NIPSNAP3B: variants seen among roughly 807,000 people sequenced by gnomAD.
NIPSNAP3B encodes the protein protein NipSnap homolog 3B.
Under a neutral mutation model 31.5 loss-of-function variants are expected in NIPSNAP3B, and 30 were observed. The ratio of observed to expected loss-of-function variants is 0.95; its 90% CI spans 0.71 to 1.29. The LOEUF is 1.29. Among genes scored for constraint, NIPSNAP3B ranks in the 50% most tolerant of loss-of-function variants. NIPSNAP3B has a pLI of 0.00. For missense variants in NIPSNAP3B, 269 were observed against 300.7 expected, an observed-to-expected ratio of 0.89 and a Z score of 0.78; for synonymous variants, 106 against 107.9, an observed-to-expected ratio of 0.98 and a Z score of 0.11.
At chr9:104,771,178 T>G (rs1016696303) in intron 4 of NIPSNAP3B, 180 bp downstream of exon 4, 6 of 523,188 alleles carry the variant, frequency 1.1e-5, no homozygotes, top group Non-Finnish European at 2.0e-5. Flanking sequence ...TGTTAATACT[T>G]TATGGAGCCT....
chr9:104,779,387 A>G (rs1320756814), downstream of NIPSNAP3B, among the ~76,000 whole-genome samples: 3 of 152,186 alleles, frequency 2.0e-5, no homozygotes, highest in African/African-American at 7.2e-5. Flanking sequence ...TTGTTAAATT[A>G]ATGTATATTG....
chr9:104,772,785 A>G (rs748807900), intron 4 of NIPSNAP3B, 37 bp from the exon 5 acceptor site: 1 of 1,591,232 alleles, frequency 6.3e-7, no homozygotes, highest in Admixed American at 1.7e-5. Context: ...TGCTATTGCC[A>G]TATATTTCAG....
chr9:104,788,576 G>A, the NIPSNAP3B span: 4 of 1,614,064 alleles, frequency 2.5e-6, no homozygotes, highest in Non-Finnish European at 3.4e-6. Flanking sequence ...TACTGCAAAG[G>A]ACAAGAAAAC....
In NIPSNAP3B at chr9:104,775,652, C is replaced by T. The variant is rs1466018812; in HGVS notation, c.*2579C>T. The stretch of plus-strand genomic sequence containing the variant: ...CACACATGTGAATTTGAATTCCAGG[C>T]TCATCACATCCAGGTGTGTTCCCCA... On this transcript the variant is annotated 3_prime_UTR_variant, in exon 6 of 6. Coordinates refer to ENST00000374762, the MANE Select transcript of NIPSNAP3B (RefSeq NM_018376.4). Among the ~76,000 whole-genome samples the T allele has an allele frequency of 1.3e-5, 2 of 152,120 alleles. No homozygotes were observed. Among genetic ancestry groups the T allele is most frequent in the African/African-American group, 2.4e-5 (1 of 41,412 alleles).
chr9:104,770,662 A>G (rs1266000360), intron 3 of NIPSNAP3B, among the ~76,000 whole-genome samples, 187 bp from the exon 4 acceptor site: 1 of 152,176 alleles, frequency 6.6e-6, no homozygotes, highest in Non-Finnish European at 1.5e-5. Flanking sequence ...TTAAACATGG[A>G]CAAAGACTTT....
chr9:104,790,846 A>G, the NIPSNAP3B span: 5 of 1,076,848 alleles, frequency 4.6e-6, no homozygotes, highest in Non-Finnish European at 7.1e-6. Context: ...ACTGTAATCA[A>G]AAATAACAAC....
At chr9:104,772,765 A>G in intron 4 of NIPSNAP3B, 57 bp from the exon 5 acceptor site, 1 of 1,543,544 alleles carries the variant, frequency 6.5e-7, no homozygotes, top group African/African-American at 1.4e-5. Flanking sequence ...CTTTTTCAAT[A>G]TTTCTTATTT....
chr9:104,786,080 T>G, the NIPSNAP3B span, among the ~76,000 whole-genome samples: 1 of 152,206 alleles, frequency 6.6e-6, no homozygotes, highest in African/African-American at 2.4e-5. Flanking sequence ...AACTAACTCT[T>G]ACAGTAGTTA....
intron 3 of NIPSNAP3B, 112 bp downstream of exon 3, chr9:104,769,133 AATAAT>A: frequency 5.3e-6 from 4 of 756,940 alleles, no homozygotes; most frequent in Non-Finnish European, 7.8e-6. Context: ...TGTTTTATAT[AATAAT>A]ATATGATGAG....
chr9:104,770,690 G>A (rs1339968404), intron 3 of NIPSNAP3B, among the ~76,000 whole-genome samples, 159 bp from the exon 4 acceptor site: 1 of 152,036 alleles, frequency 6.6e-6, no homozygotes, highest in Non-Finnish European at 1.5e-5. Flanking sequence ...TAAAAGCAAA[G>A]AAAAATAATG....
At chr9:104,766,801 TC>T (rs1470275636) in intron 2 of NIPSNAP3B, among the ~76,000 whole-genome samples, 1 of 152,122 alleles carries the variant, frequency 6.6e-6, no homozygotes, top group Non-Finnish European at 1.5e-5. Context: ...TAGACTTTAA[TC>T]CTCAGAAAAA....
the NIPSNAP3B span, chr9:104,784,053 T>G: frequency 2.3e-6 from 1 of 430,126 alleles, no homozygotes; most frequent in Non-Finnish European, 4.2e-6. Flanking sequence ...CATAATAGAG[T>G]TTCACATAGG....
intron 1 of NIPSNAP3B, among the ~76,000 whole-genome samples, chr9:104,765,715 G>A (rs1564056458): frequency 1.3e-5 from 2 of 152,156 alleles, no homozygotes; most frequent in Non-Finnish European, 2.9e-5. Context: ...TACACCCATA[G>A]TACAATGCAA....
chr9:104,785,703 C>A, the NIPSNAP3B span: 1 of 1,601,846 alleles, frequency 6.2e-7, no homozygotes, highest in South Asian at 1.1e-5. Context: ...GAATACTGAA[C>A]CCTGGGAACC....
chr9:104,768,544 A>C (rs1467822935), intron 2 of NIPSNAP3B, among the ~76,000 whole-genome samples: 1 of 152,204 alleles, frequency 6.6e-6, no homozygotes, highest in Non-Finnish European at 1.5e-5. Context: ...ATGTTATACT[A>C]TTTTCTTCAC....
the NIPSNAP3B span, chr9:104,785,593 G>C: frequency 6.2e-7 from 1 of 1,614,108 alleles, no homozygotes; most frequent in Non-Finnish European, 8.5e-7. Flanking sequence ...TTCAGGTCCG[G>C]GTTGGACCCT....
At chr9:104,788,046 C>A in the NIPSNAP3B span, 1 of 1,614,100 alleles carries the variant, frequency 6.2e-7, no homozygotes, top group East Asian at 2.2e-5. Flanking sequence ...GAATCGCCCA[C>A]TCACCAACCT....
At chr9:104,783,951 T>A in the NIPSNAP3B span, 1 of 202,884 alleles carries the variant, frequency 4.9e-6, no homozygotes, top group Non-Finnish European at 1.0e-5. Flanking sequence ...CCATGATTAC[T>A]TGATGAATTA....
At chr9:104,790,570 G>A in the NIPSNAP3B span, among the ~76,000 whole-genome samples, 1 of 152,190 alleles carries the variant, frequency 6.6e-6, no homozygotes, top group South Asian at 2.1e-4. Flanking sequence ...TAAGACAGAT[G>A]TGGGGTGATG....
Sources: gnomAD v4.1 joint callset for allele counts (sites outside exome capture counted in the v4.1 genomes callset) on GRCh38, gnomAD v4.1.1 for gene constraint, MANE v1.5 for transcripts, NCBI Gene and HGNC (gene_info 2026-07-23, HGNC 2026-07-21) for gene names.